Variants in WDR76 observed in about 807,000 individuals in gnomAD.
WDR76 encodes the protein WD repeat domain 76, also known as WD repeat-containing protein 76.
Under a neutral mutation model 70.2 loss-of-function variants are expected in WDR76, and 52 were observed. That is an observed-to-expected ratio of 0.74 (90% CI 0.59 to 0.93). The LOEUF is 0.93. Among genes scored for constraint, WDR76 ranks in the 40% least tolerant of loss-of-function variants. The probability of loss-of-function intolerance (pLI) is 0.00; values close to 1 mark genes in which losing one functional copy is unlikely to be tolerated. For missense variants in WDR76, 756 were observed against 760.2 expected (o/e 0.99, Z 0.07); for synonymous variants, 292 against 271.1 (o/e 1.08, Z -0.76).
intron 9 of WDR76, among the ~76,000 whole-genome samples, chr15:43,852,049 A>G (rs185549647): frequency 6.6e-6 from 1 of 152,256 alleles, no homozygotes; most frequent in African/African-American, 2.4e-5. Context: ...CCTGGGTGAC[A>G]GAGTGAGACC....
chr15:43,858,655 GT>G lies in WDR76; in HGVS notation c.1410-13del. ...ATGTACTATGGCAACATTGATCATTGTTTCTCCCATTACAGGGATACTCATA... is the reference window on the plus strand; with the variant it reads ...ATGTACTATGGCAACATTGATCATTGTTCTCCCATTACAGGGATACTCATA... On this transcript the variant is annotated splice_polypyrimidine_tract_variant and intron_variant, in intron 10 of 12. Coordinates refer to ENST00000263795, the MANE Select transcript of WDR76 (RefSeq NM_024908.4). 1 of 1,612,206 alleles carries G rather than the reference GT, an allele frequency of 6.2e-7. No individual in the cohort carries two copies. The highest frequency in any genetic ancestry group is 8.5e-7 in the Non-Finnish European group (1 of 1,179,136).
intron 8 of WDR76, among the ~76,000 whole-genome samples, chr15:43,847,888 TTAA>T (rs2087808614): frequency 6.6e-6 from 1 of 152,106 alleles, no homozygotes; most frequent in Non-Finnish European, 1.5e-5. Flanking sequence ...ACTTAGTTGT[TTAA>T]TTATCATAGT....
At chr15:43,837,057 C>CAAAAAAAAAAAAAAAAAAA (rs939046687) in intron 4 of WDR76, among the ~76,000 whole-genome samples, 1 of 140,306 alleles carries the variant, frequency 7.1e-6, no homozygotes, top group African/African-American at 2.6e-5. Context: ...AAAAAAAAAA[C>CAAAAAAAAAAAAAAAAAAA]AAAAAAAAAC....
rs763277102 is a variant in WDR76, at chr15:43,842,401, A to AT, written c.733-8dup. On this transcript the variant is annotated splice_polypyrimidine_tract_variant and intron_variant, in intron 5 of 12. Coordinates refer to ENST00000263795, the MANE Select transcript of WDR76 (RefSeq NM_024908.4). ...CAGGGAGCCCAACAAATAACTTTTT[A>AT]TTTTTTATAACAGCCTTTGTTACCT... is the stretch of plus-strand genomic sequence containing the variant. 6.2e-7 allele frequency: 1 copy of AT among 1,610,344 alleles called. No homozygotes were observed.
intron 9 of WDR76, among the ~76,000 whole-genome samples, chr15:43,851,946 C>T (rs1196796903): frequency 2.6e-5 from 4 of 152,120 alleles, no homozygotes; most frequent in Non-Finnish European, 5.9e-5. Flanking sequence ...CCTGTAGTCA[C>T]AGCTACTCAG....
chr15:43,866,690 G>A lies in WDR76; in HGVS notation c.*298G>A, dbSNP rs565370931. On this transcript the variant is annotated 3_prime_UTR_variant, in exon 13 of 13. Transcript: ENST00000263795. ...TGCCCAGGCTGGAGTGCAATAGCGC[G>A]ATCTTGGCTCACCGCAACCTCCGCC... The A allele has an allele frequency of 3.1e-4, 81 of 262,262 alleles. No homozygotes were observed. The highest frequency in any genetic ancestry group is 2.9e-3 in the Middle Eastern group (2 of 690). 16.2% of individuals were successfully genotyped at this position (262,262 alleles called of 1,614,324 possible). A position where few individuals can be genotyped will look rare whatever the true frequency, so the allele number is the denominator to read the frequency against.
rs952390983 is a variant in WDR76, at chr15:43,842,762, G to A, written c.878+91G>A. Reference sequence around the variant, plus strand: ...CCATTTTAGGGAATTTTGAAAGTGAGATGAAATGTTTCCACCCTAACAACT... The same window carrying A: ...CCATTTTAGGGAATTTTGAAAGTGAAATGAAATGTTTCCACCCTAACAACT... On this transcript the variant is annotated intron_variant, in intron 7 of 12. Coordinates refer to ENST00000263795, the MANE Select transcript of WDR76 (RefSeq NM_024908.4). 6.5e-6 allele frequency: 8 copies of A among 1,230,072 alleles called. No homozygotes were observed. In the African/African-American group the frequency reaches 1.2e-4, roughly 19 times the overall value. The allele number at this position is 1,230,072 out of a possible 1,614,324, so 76.2% of individuals were successfully genotyped here.
intron 12 of WDR76, among the ~76,000 whole-genome samples, chr15:43,863,073 C>A (rs1469701514): frequency 7.9e-5 from 12 of 152,144 alleles, no homozygotes; most frequent in African/African-American, 2.9e-4. Flanking sequence ...GTAGCTGGGA[C>A]TACAGGCATG....
chr15:43,833,320 C>CTT (rs572785012), intron 2 of WDR76, among the ~76,000 whole-genome samples: 16 of 134,186 alleles, frequency 1.2e-4, no homozygotes, highest in South Asian at 2.3e-4. Context: ...CTTTTCTTTT[C>CTT]TTTTTTTTTT....
chr15:43,859,578 G>T (rs1369500245), intron 11 of WDR76, among the ~76,000 whole-genome samples: 1 of 152,154 alleles, frequency 6.6e-6, no homozygotes, highest in African/African-American at 2.4e-5. Flanking sequence ...CCCACCTGAT[G>T]GGAAGAGCGT....
chr15:43,835,241 A>G, intron 3 of WDR76, 91 bp downstream of exon 3: 1 of 1,214,560 alleles, frequency 8.2e-7, no homozygotes, highest in Non-Finnish European at 1.2e-6. Context: ...CTGACATGGG[A>G]GAATCGCTTG....
chr15:43,827,762 G>A (rs2087534720), intron 1 of WDR76, among the ~76,000 whole-genome samples: 1 of 152,080 alleles, frequency 6.6e-6, no homozygotes, highest in Non-Finnish European at 1.5e-5. Context: ...AGCCAGGATG[G>A]TCTCGATCTC....
rs2087637539 is a variant in WDR76 at position 43,835,040 on chromosome 15, CTT to C, written c.463-17_463-16del. Reference sequence around the variant, plus strand: ...TGTAGATTATATAAAGTAATGGAATCTTTTTGGTGTAATTTTATAGGATTTTT... The same window carrying C: ...TGTAGATTATATAAAGTAATGGAATCTTTGGTGTAATTTTATAGGATTTTT... On this transcript the variant is annotated intron_variant, in intron 2 of 12. Transcript: ENST00000263795. 3.1e-6 allele frequency: 5 copies of C among 1,601,214 alleles called. No individual in the cohort carries two copies. Among genetic ancestry groups the C allele is most frequent in the Non-Finnish European group, 3.4e-6 (4 of 1,168,886 alleles).
At chr15:43,849,512 A>G (rs1237096510) in intron 8 of WDR76, among the ~76,000 whole-genome samples, 1 of 152,200 alleles carries the variant, frequency 6.6e-6, no homozygotes, top group African/African-American at 2.4e-5. Flanking sequence ...CAGTGTTTCA[A>G]TGATAATTTT....
At position 43,839,696 on chromosome 15, in the gene WDR76, C is replaced by A; in HGVS notation, c.700C>A (p.Pro234Thr). 6.2e-7 allele frequency: 1 copy of A among 1,610,864 alleles called. No individual in the cohort carries two copies. Among genetic ancestry groups the A allele is most frequent in the Non-Finnish European group, 8.5e-7 (1 of 1,178,040 alleles). Residue 234 changes from proline (P) to threonine (T), a missense_variant, in exon 5 of 13, where the codon CCA (proline) becomes ACA (threonine). Physicochemically the swap from Pro to Thr is conservative, Grantham distance 38 (BLOSUM62 -1). Transcript: ENST00000263795. ...DPSGVSLPAA[P>T]TPPTLVADET... ...TTCGGGAGTTTCATTACCAGCAGCT[C>A]CAACACCGCCGACATTAGTAGCAGA...
At chr15:43,836,260 C>G (rs74612944) in intron 4 of WDR76, 44 bp downstream of exon 4, 1 of 1,562,280 alleles carries the variant, frequency 6.4e-7, no homozygotes, top group African/African-American at 1.4e-5. Flanking sequence ...ATACATTGCT[C>G]AACTGTTTTA....
At position 43,828,150 on chromosome 15, in the gene WDR76, G is replaced by A. The variant is rs558719533; in HGVS notation, c.246G>A (p.Lys82=). 4.4e-5 allele frequency: 71 copies of A among 1,613,994 alleles called. No individual in the cohort carries two copies. Among genetic ancestry groups the A allele is most frequent in the Non-Finnish European group, 5.8e-5 (68 of 1,180,028 alleles). Residue 82 remains lysine (K), a synonymous_variant, in exon 2 of 13, where the codon AAG becomes AAA. Coordinates refer to ENST00000263795, the MANE Select transcript of WDR76 (RefSeq NM_024908.4). ...ATTCTAACAATGAAGTGGCGTGTAAGAAGACTAAAATAAAGAAAACTTGCA... is the reference window on the plus strand; with the variant it reads ...ATTCTAACAATGAAGTGGCGTGTAAAAAGACTAAAATAAAGAAAACTTGCA... ...EKNSNNEVAC[K]KTKIKKTCRR...
chr15:43,833,411 C>T (rs1200569719), intron 2 of WDR76, among the ~76,000 whole-genome samples: 8 of 151,242 alleles, frequency 5.3e-5, no homozygotes, highest in South Asian at 2.1e-4. Flanking sequence ...CTCCGCCTCC[C>T]GGGTTCATGC....
chr15:43,832,461 C>G (rs1359295564), intron 2 of WDR76, among the ~76,000 whole-genome samples: 1 of 143,946 alleles, frequency 6.9e-6, no homozygotes, highest in Non-Finnish European at 1.5e-5. Flanking sequence ...GTTTTTTTTT[C>G]TTGAGGTGGG....
Sources: allele counts gnomAD v4.1 joint callset (sites outside exome capture counted in the v4.1 genomes callset), GRCh38; gene constraint gnomAD v4.1.1; transcripts MANE v1.5; gene names NCBI Gene and HGNC (gene_info 2026-07-23, HGNC 2026-07-21).